The following NBEA variants were observed in gnomAD, a reference collection of about 807,000 sequenced individuals.
The protein encoded by NBEA is neurobeachin.
In NBEA, 44 loss-of-function variants were observed where a neutral mutation model predicts 343.4. The ratio of observed to expected loss-of-function variants is 0.13; its 90% CI spans 0.10 to 0.16. The LOEUF (loss-of-function observed/expected upper bound fraction) is 0.16. NBEA is among the 10% of genes least tolerant of loss of function. NBEA has a pLI of 1.00. For missense variants in NBEA, 2,555 were observed against 3,631.3 expected (o/e 0.70, Z 7.62); for synonymous variants, 1,175 against 1,238.7 (o/e 0.95, Z 1.08).
At chr13:35,009,378 T>C (rs145209012) in intron 1 of NBEA, among the ~76,000 whole-genome samples, 19 of 152,248 alleles carry the variant, frequency 1.2e-4, no homozygotes, top group African/African-American at 4.3e-4. Flanking sequence ...TTGAGAGCTG[T>C]TTCAAGTAAG....
At chr13:35,075,701 T>C (rs1566245240) in intron 10 of NBEA, among the ~76,000 whole-genome samples, 1 of 151,732 alleles carries the variant, frequency 6.6e-6, no homozygotes, top group Non-Finnish European at 1.5e-5. Context: ...TTAATCAAAG[T>C]TATTCCAGTG....
At chr13:35,263,376 C>T (rs1486268474) in intron 34 of NBEA, among the ~76,000 whole-genome samples, 3 of 152,112 alleles carry the variant, frequency 2.0e-5, no homozygotes, top group African/African-American at 7.2e-5. Context: ...AGAGATCATC[C>T]AGACAGAAAA....
rs2062811055 is a variant in NBEA at position 35,045,367 on chromosome 13, A to G, written c.689A>G (p.Asp230Gly). Residue 230 changes from aspartate to glycine, a missense_variant, in exon 4 of 59, where the codon GAT becomes GGT. Asp to Gly is a moderately conservative substitution (Grantham distance 94, BLOSUM62 -1). Coordinates refer to ENST00000379939, the MANE Select transcript of NBEA (RefSeq NM_001385012.1). The part of the protein sequence containing the change: ...LNQMPQRHGP[D>G]TFFNFPGCSA... ...CAGATGCCACAGAGACACGGTCCTG[A>G]TACTTTTTTCAATTTCCCTGGTTGT... The G allele has an allele frequency of 6.2e-7, 1 of 1,612,174 alleles. No individual in the cohort carries two copies. Among genetic ancestry groups the G allele is most frequent in the South Asian group, 1.1e-5 (1 of 90,766 alleles).
intron 51 of NBEA, among the ~76,000 whole-genome samples, chr13:35,647,582 G>C (rs868788769): frequency 8.6e-5 from 13 of 152,026 alleles, no homozygotes. Flanking sequence ...TGTTGTTGTT[G>C]TTTTGAGACA....
chr13:35,188,176 G>A (rs1376728006), intron 30 of NBEA, among the ~76,000 whole-genome samples: 9 of 151,190 alleles, frequency 6.0e-5, no homozygotes, highest in Non-Finnish European at 1.2e-4. Flanking sequence ...TGTACAATGT[G>A]ATATACTGAT....
intron 34 of NBEA, among the ~76,000 whole-genome samples, chr13:35,254,084 C>A (rs563320544): frequency 1.3e-5 from 2 of 151,920 alleles, no homozygotes; most frequent in Admixed American, 1.3e-4. Context: ...GTACCTACAT[C>A]CTTATCTAAT....
At chr13:35,544,524 A>G (rs1270211256) in intron 41 of NBEA, among the ~76,000 whole-genome samples, 2 of 152,220 alleles carry the variant, frequency 1.3e-5, no homozygotes, top group African/African-American at 2.4e-5. Context: ...TTTCAACATG[A>G]TCATCAGATA....
chr13:35,183,989 A>G lies in NBEA; in HGVS notation c.4845A>G (p.Pro1615=), dbSNP rs371222417. Residue 1615 remains proline (P), a synonymous_variant, in exon 30 of 59, where the codon CCA becomes CCG. Transcript: ENST00000379939. ...TTTTCTCCACAGTTGTGGTCATACC[A>G]TCTATCCCTCATCCAAGTTTGAACC... ...NSPTSTVVVI[P]SIPHPSLNHG... 30 of 1,611,148 alleles carry G rather than the reference A, an allele frequency of 1.9e-5. No homozygotes were observed. In the South Asian group the frequency reaches 2.8e-4, roughly 15 times the overall value.
At position 35,261,041 on chromosome 13, in the gene NBEA, T is replaced by C. The variant is rs191878519; in HGVS notation, c.5776+28422T>C. Among the ~76,000 whole-genome samples, 4 of 152,224 alleles carry C rather than the reference T, an allele frequency of 2.6e-5. No individual in the cohort carries two copies. In the East Asian group the frequency reaches 7.7e-4, roughly 29 times the overall value. On this transcript the variant is annotated intron_variant, in intron 34 of 58. Transcript: ENST00000379939. ...AAGGAATACAGCAAAATGCAAACACTTAATGTAATACTCATAATACCCAGC... is the reference window on the plus strand; with the variant it reads ...AAGGAATACAGCAAAATGCAAACACCTAATGTAATACTCATAATACCCAGC...
intron 48 of NBEA, among the ~76,000 whole-genome samples, chr13:35,624,859 G>A (rs906312051): frequency 6.6e-6 from 1 of 152,010 alleles, no homozygotes; most frequent in African/African-American, 2.4e-5. Context: ...AGAAAAGGAG[G>A]AAGGAGACTG....
intron 47 of NBEA, among the ~76,000 whole-genome samples, chr13:35,602,511 TC>T (rs1313530185): frequency 6.6e-6 from 1 of 152,204 alleles, no homozygotes; most frequent in East Asian, 1.9e-4. Context: ...CTCTAGGGGC[TC>T]TGCAAACAAG....
rs141774321 is a variant in NBEA at position 35,587,273 on chromosome 13, A to G, written c.7176+3235A>G. ...AGATGTACCTGGGCTTAAGTAGCCC[A>G]TGAGATATATTTCTTAAGCTACACA... On this transcript the variant is annotated intron_variant, in intron 46 of 58. Coordinates refer to ENST00000379939, the MANE Select transcript of NBEA (RefSeq NM_001385012.1). 2.0e-3 allele frequency among the ~76,000 whole-genome samples: 309 copies of G among 152,336 alleles called. 1 individual carries two copies. Among genetic ancestry groups the G allele is most frequent in the African/African-American group, 7.3e-3 (304 of 41,592 alleles).
chr13:35,638,141 T>C (rs9530818), intron 49 of NBEA, among the ~76,000 whole-genome samples: 1 of 152,014 alleles, frequency 6.6e-6, no homozygotes, highest in Non-Finnish European at 1.5e-5. Flanking sequence ...TTAATAAATA[T>C]AGCGTTTTAG....
At chr13:35,216,453 T>C (rs1420515207) in intron 33 of NBEA, among the ~76,000 whole-genome samples, 3 of 151,992 alleles carry the variant, frequency 2.0e-5, no homozygotes. Context: ...TACTGTCTTA[T>C]CCTTTACAGA....
At chr13:34,971,732 A>T (rs147249660) in intron 1 of NBEA, among the ~76,000 whole-genome samples, 133 of 151,756 alleles carry the variant, frequency 8.8e-4, no homozygotes, top group African/African-American at 3.1e-3. Context: ...AAGTTTGTTG[A>T]TGTGCTGCTG....
At chr13:35,326,872 A>T (rs1435419255) in intron 36 of NBEA, among the ~76,000 whole-genome samples, 1 of 152,178 alleles carries the variant, frequency 6.6e-6, no homozygotes, top group East Asian at 1.9e-4. Flanking sequence ...GGGAGAAAAT[A>T]TTCACAAACC....
At position 34,942,771 on chromosome 13, in the gene NBEA, C is replaced by T. The variant is rs1320039180; in HGVS notation, c.-50C>T. The T allele has an allele frequency of 2.3e-6, 3 of 1,294,434 alleles. No homozygotes were observed. The African/African-American group carries it at 4.7e-5, about 20-fold the overall frequency. The allele number at this position is 1,294,434 out of a possible 1,614,324, so 80.2% of individuals were successfully genotyped here. On this transcript the variant is annotated 5_prime_UTR_variant, in exon 1 of 59. Transcript: ENST00000379939. ...GGGGGCCGAGGCAGGTATAACGGTA[C>T]CGGCGGCGGCAGCGCCGCTGCTCTT...
At chr13:35,500,628 G>C (rs1237438497) in intron 41 of NBEA, among the ~76,000 whole-genome samples, 1 of 150,894 alleles carries the variant, frequency 6.6e-6, no homozygotes, top group Admixed American at 6.6e-5. Context: ...ACATGAAGTT[G>C]AAACCTCTTG....
chr13:35,041,311 T>G, intron 2 of NBEA, 147 bp downstream of exon 2: 1 of 708,164 alleles, frequency 1.4e-6, no homozygotes. Flanking sequence ...CTTTTTATAT[T>G]AATGGAAAAC....
Sources: allele counts gnomAD v4.1 joint callset (sites outside exome capture counted in the v4.1 genomes callset), GRCh38; gene constraint gnomAD v4.1.1; transcripts MANE v1.5; gene names NCBI Gene and HGNC (gene_info 2026-07-23, HGNC 2026-07-21).